Variants in HS3ST5 observed in about 807,000 individuals in gnomAD.
The protein encoded by HS3ST5 is heparan sulfate-glucosamine 3-sulfotransferase 5, also known as heparan sulfate glucosamine 3-O-sulfotransferase 5.
A neutral mutation model predicts 25.4 loss-of-function variants in HS3ST5; 10 were observed. That is an observed-to-expected ratio of 0.39 (90% CI 0.24 to 0.67). HS3ST5 has a LOEUF of 0.67. Among genes scored for constraint, HS3ST5 ranks in the 30% least tolerant of loss-of-function variants. The pLI is 0.44. For synonymous variants in HS3ST5, 170 were observed against 162.4 expected (o/e 1.05, Z -0.36); for missense variants, 324 against 420.7 (o/e 0.77, Z 2.01).
intron 1 of HS3ST5, among the ~76,000 whole-genome samples, chr6:114,252,841 T>C (rs1376484636): frequency 1.3e-5 from 2 of 152,188 alleles, no homozygotes; most frequent in African/African-American, 4.8e-5. Flanking sequence ...AGAATTATAA[T>C]GCAAGTGAGC....
chr6:114,332,034 C>T (rs1776418662), intron 1 of HS3ST5, among the ~76,000 whole-genome samples: 1 of 151,950 alleles, frequency 6.6e-6, no homozygotes, highest in East Asian at 1.9e-4. Context: ...CAGAAATGAG[C>T]TCATGGACTA....
At chr6:114,341,725 C>T (rs1052003514) in intron 1 of HS3ST5, among the ~76,000 whole-genome samples, 4 of 152,124 alleles carry the variant, frequency 2.6e-5, no homozygotes, top group Non-Finnish European at 5.9e-5. Context: ...TTTGCCTGCC[C>T]TCTGCCTGTC....
chr6:114,289,002 C>T (rs1774458064), intron 1 of HS3ST5, among the ~76,000 whole-genome samples: 1 of 152,040 alleles, frequency 6.6e-6, no homozygotes, highest in South Asian at 2.1e-4. Context: ...AGAACATTTT[C>T]AACACATTCT....
At chr6:114,334,018 C>T (rs1430850476) in intron 1 of HS3ST5, among the ~76,000 whole-genome samples, 2 of 152,160 alleles carry the variant, frequency 1.3e-5, no homozygotes, top group East Asian at 3.8e-4. Flanking sequence ...CCAGTTTCCC[C>T]AGGTCCTCCT....
intron 1 of HS3ST5, among the ~76,000 whole-genome samples, chr6:114,267,205 T>G (rs1052788489): frequency 6.6e-6 from 1 of 152,164 alleles, no homozygotes; most frequent in Non-Finnish European, 1.5e-5. Flanking sequence ...AAAATGAGTC[T>G]ATGTGATAAA....
At chr6:114,063,349 T>A (rs1773247666) in intron 3 of HS3ST5, among the ~76,000 whole-genome samples, 1 of 152,056 alleles carries the variant, frequency 6.6e-6, no homozygotes, top group South Asian at 2.1e-4. Flanking sequence ...ACCTCGTCTC[T>A]ACTAAAAATG....
intron 1 of HS3ST5, among the ~76,000 whole-genome samples, chr6:114,229,030 T>A (rs1183174435): frequency 6.6e-6 from 1 of 152,188 alleles, no homozygotes; most frequent in East Asian, 1.9e-4. Context: ...TCAGGTGATA[T>A]CATTACTAAT....
At chr6:114,307,499 A>AT (rs1775347742) in intron 1 of HS3ST5, among the ~76,000 whole-genome samples, 1 of 152,028 alleles carries the variant, frequency 6.6e-6, no homozygotes, top group African/African-American at 2.4e-5. Flanking sequence ...AGAAACTAGG[A>AT]TAAAAATTGA....
intron 1 of HS3ST5, among the ~76,000 whole-genome samples, chr6:114,264,413 C>T (rs968412352): frequency 6.6e-6 from 1 of 152,104 alleles, no homozygotes; most frequent in Non-Finnish European, 1.5e-5. Context: ...AGAGTTATTG[C>T]CCCCAATATT....
intron 1 of HS3ST5, among the ~76,000 whole-genome samples, chr6:114,317,087 T>C (rs371630987): frequency 6.6e-6 from 1 of 152,250 alleles, no homozygotes. Flanking sequence ...TATCTTAGAT[T>C]TTCCAATTAT....
chr6:114,325,202 T>G (rs532827777), intron 1 of HS3ST5, among the ~76,000 whole-genome samples: 1 of 152,264 alleles, frequency 6.6e-6, no homozygotes, highest in African/African-American at 2.4e-5. Context: ...CTCATCAACT[T>G]GGTCTTAAGA....
chr6:114,304,043 A>C (rs1266516581), intron 1 of HS3ST5, among the ~76,000 whole-genome samples: 2 of 152,128 alleles, frequency 1.3e-5, no homozygotes, highest in East Asian at 3.9e-4. Context: ...CCATATGCAC[A>C]GTCATTTCTC....
At chr6:114,322,785 C>A (rs1287752296) in intron 1 of HS3ST5, among the ~76,000 whole-genome samples, 4 of 152,170 alleles carry the variant, frequency 2.6e-5, no homozygotes, top group Non-Finnish European at 5.9e-5. Context: ...TGCGATATGG[C>A]AATGCATGCA....
intron 3 of HS3ST5, among the ~76,000 whole-genome samples, chr6:114,094,365 T>C (rs755150031): frequency 2.0e-5 from 3 of 152,330 alleles, no homozygotes; most frequent in Non-Finnish European, 4.4e-5. Flanking sequence ...AATGTTATAG[T>C]GTTATTTAGT....
At chr6:114,317,975 T>C (rs991290881) in intron 1 of HS3ST5, among the ~76,000 whole-genome samples, 2 of 152,130 alleles carry the variant, frequency 1.3e-5, no homozygotes, top group Non-Finnish European at 2.9e-5. Context: ...TAGGGTACTT[T>C]AGTAAATAAA....
chr6:114,106,215 G>A (rs956422378), intron 3 of HS3ST5, among the ~76,000 whole-genome samples: 1 of 152,102 alleles, frequency 6.6e-6, no homozygotes, highest in African/African-American at 2.4e-5. Flanking sequence ...CTACTTGAAT[G>A]AAATAAATTA....
At chr6:114,107,713 C>T (rs1050426806) in intron 3 of HS3ST5, among the ~76,000 whole-genome samples, 1 of 152,136 alleles carries the variant, frequency 6.6e-6, no homozygotes, top group African/African-American at 2.4e-5. Flanking sequence ...TATATACTAG[C>T]AGTGATCAAT....
At chr6:114,212,238 G>C (rs774193718) in intron 2 of HS3ST5, among the ~76,000 whole-genome samples, 1 of 152,226 alleles carries the variant, frequency 6.6e-6, no homozygotes, top group African/African-American at 2.4e-5. Context: ...ACAAGGGCAG[G>C]CTGGCCTTCT....
chr6:114,287,755 T>C (rs1774400525), intron 1 of HS3ST5, among the ~76,000 whole-genome samples: 1 of 151,986 alleles, frequency 6.6e-6, no homozygotes, highest in Non-Finnish European at 1.5e-5. Flanking sequence ...CAAGTTACCA[T>C]AGCAGAACCG....
Sources: allele counts gnomAD v4.1 joint callset (sites outside exome capture counted in the v4.1 genomes callset), GRCh38; gene constraint gnomAD v4.1.1; transcripts MANE v1.5; gene names NCBI Gene and HGNC (gene_info 2026-07-23, HGNC 2026-07-21).